ADAM9: variants seen among roughly 807,000 people sequenced by gnomAD.
ADAM9 encodes ADAM metallopeptidase domain 9.
ADAM9 carries 54 observed loss-of-function variants against 108.1 expected under a neutral mutation model. The ratio of observed to expected loss-of-function variants is 0.50; its 90% confidence interval spans 0.40 to 0.63. The LOEUF (loss-of-function observed/expected upper bound fraction) is 0.63, where lower values mean the gene tolerates loss of function less well. ADAM9 is among the 20% of genes least tolerant of loss of function. The probability of loss-of-function intolerance (pLI) is 0.00; values close to 1 mark genes in which losing one functional copy is unlikely to be tolerated. For missense variants in ADAM9, 830 were observed against 997.7 expected (o/e 0.83, Z 2.26); for synonymous variants, 316 against 336.0 (o/e 0.94, Z 0.65).
In ADAM9 at chr8:39,007,855, C is replaced by T. The variant is rs1423293836; in HGVS notation, c.98-31C>T. The T allele has an allele frequency of 2.0e-6, 3 of 1,478,328 alleles. No individual in the cohort carries two copies. The African/African-American group carries it at 4.2e-5, about 21-fold the overall frequency. 91.6% of individuals were successfully genotyped at this position (1,478,328 alleles called of 1,614,324 possible). The stretch of plus-strand genomic sequence containing the variant: ...GTTCCCACGTAGTTTTTCAGTTTCA[C>T]TTATTATATTTGTTTTTGCCTTTTC... On this transcript the variant is annotated intron_variant, in intron 1 of 21. Transcript: ENST00000487273.
intron 14 of ADAM9, among the ~76,000 whole-genome samples, chr8:39,065,343 C>T (rs1196843789): frequency 6.6e-6 from 1 of 150,714 alleles, no homozygotes; most frequent in East Asian, 1.9e-4. Flanking sequence ...AGTTTTTTTC[C>T]CACTTATTTT....
At chr8:39,066,380 T>C (rs1284885629) in intron 14 of ADAM9, among the ~76,000 whole-genome samples, 2 of 152,194 alleles carry the variant, frequency 1.3e-5, no homozygotes, top group Non-Finnish European at 2.9e-5. Context: ...AGTGTAAAAG[T>C]GTTCCTATTT....
Position 39,039,912 on chromosome 8 carries a change from A to G in ADAM9, c.1131-2034A>G, listed in dbSNP as rs899708348. On this transcript the variant is annotated intron_variant, in intron 11 of 21. Coordinates refer to ENST00000487273, the MANE Select transcript of ADAM9 (RefSeq NM_003816.3). ...TACCCAAAAGTGAGATTGCTGGGTC[A>G]TATGATAGTTCTGTTTTTAATTTCT... is the stretch of plus-strand genomic sequence containing the variant. Among the ~76,000 whole-genome samples, 10 of 152,212 alleles carry G rather than the reference A, an allele frequency of 6.6e-5. No individual in the cohort carries two copies. The East Asian group carries it at 1.9e-3, about 29-fold the overall frequency.
At chr8:39,012,703 A>C (rs1836394806) in intron 3 of ADAM9, among the ~76,000 whole-genome samples, 1 of 152,172 alleles carries the variant, frequency 6.6e-6, no homozygotes, top group African/African-American at 2.4e-5. Context: ...AGGACAAAAA[A>C]CCAAACACCA....
chr8:39,066,951 G>C lies in ADAM9; in HGVS notation c.1592-4347G>C, dbSNP rs190084012. ...GTATAAGGTGTAAGGAAGGGATCCAGTTTCAGTTTTCTACATATGGCTAGC... is the reference window on the plus strand; with the variant it reads ...GTATAAGGTGTAAGGAAGGGATCCACTTTCAGTTTTCTACATATGGCTAGC... On this transcript the variant is annotated intron_variant, in intron 14 of 21. Transcript: ENST00000487273. 5.7e-4 allele frequency among the ~76,000 whole-genome samples: 87 copies of C among 152,310 alleles called. 1 individual carries two copies. The highest frequency in any genetic ancestry group is 2.0e-3 in the African/African-American group (85 of 41,558).
rs114810660 is a variant in ADAM9 at position 39,082,570 on chromosome 8, T to C, written c.1882-71T>C. ...TGCAATGAAATAATCTGTACCCAGG[T>C]CTTTTTTCTGGGTACTTTTTAATGA... On this transcript the variant is annotated intron_variant, in intron 16 of 21. Coordinates refer to ENST00000487273, the MANE Select transcript of ADAM9 (RefSeq NM_003816.3). 2,039 of 1,124,310 alleles carry C rather than the reference T, an allele frequency of 1.8e-3. 31 individuals carry two copies. In the African/African-American group the frequency reaches 0.028, roughly 16 times the overall value. 69.6% of individuals were successfully genotyped at this position (1,124,310 alleles called of 1,614,324 possible). A position where few individuals can be genotyped will look rare whatever the true frequency, so the allele number is the denominator to read the frequency against.
In ADAM9 at chr8:39,104,704, A is replaced by G. The variant is rs371845871; in HGVS notation, c.*1004A>G. 2.0e-5 allele frequency: 9 copies of G among 453,772 alleles called. No homozygotes were observed. Among genetic ancestry groups the G allele is most frequent in the African/African-American group, 1.0e-4 (5 of 49,996 alleles). 28.1% of individuals were successfully genotyped at this position (453,772 alleles called of 1,614,324 possible). On this transcript the variant is annotated 3_prime_UTR_variant, in exon 22 of 22. Coordinates refer to ENST00000487273, the MANE Select transcript of ADAM9 (RefSeq NM_003816.3). Reference sequence around the variant, plus strand: ...TAAAATATTAGACACTAATATTTTCATAGAAATTAGGCTGGAGAAAGAAGG... The same window carrying G: ...TAAAATATTAGACACTAATATTTTCGTAGAAATTAGGCTGGAGAAAGAAGG...
intron 1 of ADAM9, among the ~76,000 whole-genome samples, chr8:39,000,916 C>T (rs534058074): frequency 1.3e-5 from 2 of 152,272 alleles, no homozygotes; most frequent in African/African-American, 4.8e-5. Flanking sequence ...AAAATGATAT[C>T]ACCCCCAGAC....
chr8:39,017,256 G>C lies in ADAM9; in HGVS notation c.448G>C (p.Glu150Gln). The C allele has an allele frequency of 6.2e-7, 1 of 1,614,088 alleles. No individual in the cohort carries two copies. Among genetic ancestry groups the C allele is most frequent in the East Asian group, 2.2e-5 (1 of 44,866 alleles). Reference protein sequence around the residue: ...LHLENASYGIEPLQNSSHFEH... With the variant: ...LHLENASYGIQPLQNSSHFEH... ...TTTAGAGAATGCGAGTTATGGGATT[G>C]AACCCCTGCAGAACAGCTCTCATTT... Residue 150 changes from glutamate to glutamine, a missense_variant, in exon 6 of 22, where the codon GAA becomes CAA. Around this residue, in one of 3 missense-constraint regions of ADAM9, gnomAD observed 211 missense variants for 222.2 expected, o/e 0.95. Transcript: ENST00000487273.
At chr8:39,037,209 C>T (rs941395967) in intron 11 of ADAM9, among the ~76,000 whole-genome samples, 1 of 150,244 alleles carries the variant, frequency 6.7e-6, no homozygotes, top group African/African-American at 2.4e-5. Context: ...AGGCGCCCGC[C>T]ACTGCGCCCG....
At chr8:39,042,187 T>C in intron 12 of ADAM9, 70 bp downstream of exon 12, 1 of 1,554,760 alleles carries the variant, frequency 6.4e-7, no homozygotes, top group Non-Finnish European at 8.9e-7. Context: ...ATGGCTTGCT[T>C]TGGGCAACTC....
At chr8:39,054,378 C>A in intron 12 of ADAM9, 103 bp from the exon 13 acceptor site, 1 of 1,019,978 alleles carries the variant, frequency 9.8e-7, no homozygotes, top group Non-Finnish European at 1.5e-6. Context: ...CTGCTACAAT[C>A]ATGTTAGAAT....
rs542372188 is a variant in ADAM9, at chr8:39,032,749, G to A, written c.1130+5939G>A. On this transcript the variant is annotated intron_variant, in intron 11 of 21. Transcript: ENST00000487273. ...AAATGCAGAAATCACCATCTTCTGC[G>A]TCTGTTACACTGGGAGCTGCAGACC... is the stretch of plus-strand genomic sequence containing the variant. Among the ~76,000 whole-genome samples the A allele has an allele frequency of 1.3e-5, 2 of 152,318 alleles. 1 individual carries two copies. Among genetic ancestry groups the A allele is most frequent in the South Asian group, 4.1e-4 (2 of 4,826 alleles).
intron 14 of ADAM9, among the ~76,000 whole-genome samples, chr8:39,064,204 A>G (rs1838386633): frequency 6.6e-6 from 1 of 152,286 alleles, no homozygotes; most frequent in Non-Finnish European, 1.5e-5. Context: ...TGCAATTACC[A>G]TATCATGCCG....
chr8:39,084,583 CTT>C (rs1354355756), intron 18 of ADAM9, among the ~76,000 whole-genome samples: 2 of 143,302 alleles, frequency 1.4e-5, no homozygotes, highest in Non-Finnish European at 3.1e-5. Context: ...GACTTGAATC[CTT>C]TTTTTTTTTT....
At chr8:39,087,857 A>T (rs550207971) in intron 18 of ADAM9, among the ~76,000 whole-genome samples, 5 of 152,162 alleles carry the variant, frequency 3.3e-5, no homozygotes, top group Non-Finnish European at 7.4e-5. Flanking sequence ...CCCATGTGTA[A>T]CTTTTGGCTT....
At chr8:39,020,510 G>A (rs1020705921) in intron 7 of ADAM9, among the ~76,000 whole-genome samples, 6 of 151,994 alleles carry the variant, frequency 3.9e-5, no homozygotes, top group Non-Finnish European at 5.9e-5. Flanking sequence ...TTTTTCTTCT[G>A]CTAAATTGGT....
intron 11 of ADAM9, among the ~76,000 whole-genome samples, chr8:39,032,031 TTCC>T (rs1332701595): frequency 6.6e-6 from 1 of 152,228 alleles, no homozygotes; most frequent in African/African-American, 2.4e-5. Context: ...TGCCTGATCC[TTCC>T]TCTGGAAGCC....
At chr8:39,062,384 T>TA (rs1367411166) in intron 14 of ADAM9, among the ~76,000 whole-genome samples, 2 of 152,366 alleles carry the variant, frequency 1.3e-5, no homozygotes, top group East Asian at 3.9e-4. Flanking sequence ...TTTCTGTTTT[T>TA]ATGATTCAAA....
Sources: allele counts gnomAD v4.1 joint callset (sites outside exome capture counted in the v4.1 genomes callset), GRCh38; gene constraint gnomAD v4.1.1; regional missense constraint gnomAD v4.1.1; transcripts MANE v1.5; gene names NCBI Gene and HGNC (gene_info 2026-07-23, HGNC 2026-07-21).